MYH8: variants seen among roughly 807,000 people sequenced by gnomAD.
MYH8 encodes the protein myosin heavy chain 8.
In MYH8, 168 loss-of-function variants were observed where a neutral mutation model predicts 233.2. The ratio of observed to expected loss-of-function variants is 0.72; its 90% CI spans 0.64 to 0.82. The LOEUF (loss-of-function observed/expected upper bound fraction) is 0.82. MYH8 is among the 40% of genes least tolerant of loss of function. MYH8 has a pLI of 0.00. For missense variants in MYH8, 1,995 were observed against 2,327.8 expected (o/e 0.86, Z 2.94); for synonymous variants, 785 against 850.6 (o/e 0.92, Z 1.34).
At position 10,415,010 on chromosome 17, in the gene MYH8, A is replaced by C; in HGVS notation, c.805+106T>G. 13 of 1,028,908 alleles carry C rather than the reference A, an allele frequency of 1.3e-5. No homozygotes were observed. Among genetic ancestry groups the C allele is most frequent in the Non-Finnish European group, 2.0e-5 (13 of 648,436 alleles). 63.7% of individuals were successfully genotyped at this position (1,028,908 alleles called of 1,614,324 possible). On this transcript the variant is annotated intron_variant, in intron 9 of 39. Transcript: ENST00000403437. The surrounding 1 kb of genome is among the most constrained non-coding windows in gnomAD (Gnocchi z 4.1). ...TTAGCTTACAGGCAGTACTGGCAGC[A>C]GACTACCCTTTTAACAGGCTTCATG...
At position 10,399,528 on chromosome 17, in the gene MYH8, A is replaced by G; in HGVS notation, c.3862+15T>C. 6.2e-7 allele frequency: 1 copy of G among 1,612,886 alleles called. No homozygotes were observed. On this transcript the variant is annotated intron_variant, in intron 28 of 39. Transcript: ENST00000403437. ...TTTAGTCCATGGTGTTGGGACCCAG[A>G]GAAGATGTCTTTACCCGCTTCTGTC...
chr17:10,408,705 A>G (rs1861186543), intron 17 of MYH8, among the ~76,000 whole-genome samples: 1 of 152,202 alleles, frequency 6.6e-6, no homozygotes, highest in Non-Finnish European at 1.5e-5. Flanking sequence ...TTGGTGAAAG[A>G]TGTTATGAAG....
Position 10,400,651 on chromosome 17 carries a change from C to A in MYH8, c.3474G>T (p.Gly1158=). ...EISERLEEAG[G]ATSAQVELNK... ...TCAATTCCACCTGAGCAGAAGTTGCCCCACCGGCTTCTTCCAGCCTCTCGC... is the reference window on the plus strand; with the variant it reads ...TCAATTCCACCTGAGCAGAAGTTGCACCACCGGCTTCTTCCAGCCTCTCGC... Residue 1158 remains glycine (G), a synonymous_variant, in exon 27 of 40, where the codon GGG becomes GGT. Transcript: ENST00000403437. The surrounding 1 kb of genome is among the most constrained non-coding windows in gnomAD (Gnocchi z 4.0). 6.2e-7 allele frequency: 1 copy of A among 1,614,188 alleles called. No individual in the cohort carries two copies. Among genetic ancestry groups the A allele is most frequent in the Non-Finnish European group, 8.5e-7 (1 of 1,180,038 alleles).
chr17:10,409,105 G>C lies in MYH8; in HGVS notation c.1957C>G (p.Leu653Val). ...TTAAATTTGTACTTTACCCTGAAAAGGGCAGACACAGTCTGGAAAGAAGAG... is the reference window on the plus strand; with the variant it reads ...TTAAATTTGTACTTTACCCTGAAAACGGCAGACACAGTCTGGAAAGAAGAG... ...KGSSFQTVSA[L>V]FRENLNKLMT... Residue 653 changes from leucine to valine, a missense_variant, in exon 17 of 40, where the codon CTT becomes GTT. Leu to Val is a conservative substitution (Grantham distance 32, BLOSUM62 1). Around this residue, in one of 3 missense-constraint regions of MYH8, gnomAD observed 1,498 missense variants for 1,680.9 expected, o/e 0.89. Transcript: ENST00000403437. The C allele has an allele frequency of 6.2e-7, 1 of 1,613,926 alleles. No individual in the cohort carries two copies. Among genetic ancestry groups the C allele is most frequent in the Non-Finnish European group, 8.5e-7 (1 of 1,179,848 alleles).
intron 39 of MYH8, among the ~76,000 whole-genome samples, chr17:10,391,250 AT>A (rs1298826525): frequency 6.6e-6 from 1 of 152,146 alleles, no homozygotes; most frequent in Non-Finnish European, 1.5e-5. Context: ...TGAGAACTTG[AT>A]TTTTTCTATG....
Position 10,398,634 on chromosome 17 carries a change from TC to T in MYH8, c.3987del (p.Asn1330ThrfsTer78). ...GACTGCAGGGCGTGTGCCAGGGCGT[TC>T]TTGGCCTGCAGAAGTAGCAGTTCAG... ...KHQLEEETKA[K>X]NALAHALQSS... On this transcript the variant is annotated frameshift_variant, in exon 30 of 40. Coordinates refer to ENST00000403437, the MANE Select transcript of MYH8 (RefSeq NM_002472.3). LOFTEE classifies it high-confidence loss of function. 1 of 1,614,198 alleles carries T rather than the reference TC, an allele frequency of 6.2e-7. No homozygotes were observed. The highest frequency in any genetic ancestry group is 8.5e-7 in the Non-Finnish European group (1 of 1,180,028).
Position 10,390,395 on chromosome 17 carries a change from C to G in MYH8, c.*59G>C. 1 of 1,605,554 alleles carries G rather than the reference C, an allele frequency of 6.2e-7. No homozygotes were observed. The highest frequency in any genetic ancestry group is 1.1e-5 in the South Asian group (1 of 90,818). On this transcript the variant is annotated 3_prime_UTR_variant, in exon 40 of 40. Coordinates refer to ENST00000403437, the MANE Select transcript of MYH8 (RefSeq NM_002472.3). ...AAAATAAACGTCATAAAGCAAGTGA[C>G]CAAAAATAGCACATTTTGTGCCTTT...
chr17:10,407,060 C>T (rs1311702584), intron 17 of MYH8, 81 bp from the exon 18 acceptor site: 13 of 1,074,670 alleles, frequency 1.2e-5, no homozygotes, highest in Non-Finnish European at 1.8e-5. Flanking sequence ...TGAACCTAGA[C>T]AGTCCTTTAA....
rs148425060 is a variant in MYH8 at position 10,394,290 on chromosome 17, G to A, written c.5125C>T (p.Leu1709Phe). ...TGGACACGCTCACTGGCATCCAGGAGCTCCTGTTCGGCGATTTTCCTGCTT... is the reference window on the plus strand; with the variant it reads ...TGGACACGCTCACTGGCATCCAGGAACTCCTGTTCGGCGATTTTCCTGCTT... Reference protein sequence around the residue: ...ERSRKIAEQELLDASERVQLL... With the variant: ...ERSRKIAEQEFLDASERVQLL... Residue 1709 changes from leucine (L) to phenylalanine (F), a missense_variant, in exon 35 of 40, where the codon CTC becomes TTC. Transcript: ENST00000403437. The A allele has an allele frequency of 1.6e-5, 26 of 1,613,966 alleles. No individual in the cohort carries two copies. Among genetic ancestry groups the A allele is most frequent in the Non-Finnish European group, 2.0e-5 (24 of 1,180,000 alleles).
intron 15 of MYH8, among the ~76,000 whole-genome samples, chr17:10,410,005 C>G (rs866317844): frequency 2.0e-5 from 3 of 152,108 alleles, no homozygotes; most frequent in South Asian, 2.1e-4. Flanking sequence ...TATTTAATTT[C>G]TTTAAAATAG....
rs751025093 is a variant in MYH8 at position 10,417,839 on chromosome 17, TC to T, written c.511+805del. On this transcript the variant is annotated intron_variant, in intron 5 of 39. Transcript: ENST00000403437. This position sits in a 1 kb window ranked among gnomAD's most constrained non-coding sequence, Gnocchi z 4.1. Reference sequence around the variant, plus strand: ...TATTCCTTCCTCTTTATTCTCCCCCTCGAAAAGACAATTTAAAAACAAGTGC... The same window carrying T: ...TATTCCTTCCTCTTTATTCTCCCCCTGAAAAGACAATTTAAAAACAAGTGC... Among the ~76,000 whole-genome samples the T allele has an allele frequency of 6.6e-6, 1 of 152,002 alleles. No individual in the cohort carries two copies. The highest frequency in any genetic ancestry group is 1.5e-5 in the Non-Finnish European group (1 of 68,010).
At position 10,400,466 on chromosome 17, in the gene MYH8, AG is replaced by A; in HGVS notation, c.3658del (p.Leu1220TrpfsTer8). On this transcript the variant is annotated frameshift_variant, in exon 27 of 40. Coordinates refer to ENST00000403437, the MANE Select transcript of MYH8 (RefSeq NM_002472.3). LOFTEE classifies it high-confidence loss of function. This position sits in a 1 kb window ranked among gnomAD's most constrained non-coding sequence, Gnocchi z 4.0. Reference protein sequence around the residue: ...IDNLQRVKQKLEKEKSELKME... With the variant: ...IDNLQRVKQKXEKEKSELKME... ...CTTCAGCTCACTCTTCTCCTTCTCC[AG>A]CTTCTGTTTGACCCGCTGCAAGTTG... is the stretch of plus-strand genomic sequence containing the variant. The A allele has an allele frequency of 6.2e-7, 1 of 1,613,946 alleles. No individual in the cohort carries two copies. The highest frequency in any genetic ancestry group is 8.5e-7 in the Non-Finnish European group (1 of 1,179,956).
In MYH8 at chr17:10,419,424, A is replaced by G. The variant is rs1460191165; in HGVS notation, c.211-394T>C. On this transcript the variant is annotated intron_variant, in intron 3 of 39. Transcript: ENST00000403437. This position sits in a 1 kb window ranked among gnomAD's most constrained non-coding sequence, Gnocchi z 4.0. ...TGCCTGTATATTTTGGTACAAAACT[A>G]TAATCACACATACTTCTCATTATAT... Among the ~76,000 whole-genome samples, 1 of 152,212 alleles carries G rather than the reference A, an allele frequency of 6.6e-6. No homozygotes were observed. The highest frequency in any genetic ancestry group is 1.5e-5 in the Non-Finnish European group (1 of 68,038).
At position 10,401,638 on chromosome 17, in the gene MYH8, GT is replaced by G. The variant is rs756611516; in HGVS notation, c.2835del (p.Lys945AsnfsTer18). The G allele has an allele frequency of 1.2e-6, 2 of 1,613,976 alleles. No homozygotes were observed. The highest frequency in any genetic ancestry group is 2.7e-5 in the African/African-American group (2 of 74,896). ...INAELTAKKR[K>X]LEDECSELKK... ...TTGAGTTCTGAACATTCATCCTCCAGTTTTCTCTTCTTGGCTGTCAGCTCAG... is the reference window on the plus strand; with the variant it reads ...TTGAGTTCTGAACATTCATCCTCCAGTTTCTCTTCTTGGCTGTCAGCTCAG... On this transcript the variant is annotated frameshift_variant, in exon 23 of 40. Transcript: ENST00000403437. LOFTEE classifies it high-confidence loss of function.
chr17:10,392,125 A>C, intron 38 of MYH8, 148 bp from the exon 39 acceptor site: 1 of 734,256 alleles, frequency 1.4e-6, no homozygotes, highest in Non-Finnish European at 2.4e-6. Flanking sequence ...TAACAGTAGC[A>C]CTCTTGGTAA....
At position 10,409,420 on chromosome 17, in the gene MYH8, C is replaced by G; in HGVS notation, c.1756G>C (p.Ala586Pro). ...AEAHFSLIHY[A>P]GTVDYNITGW... is the part of the protein sequence containing the mutation. ...GTAATGTTGTAGTCCACAGTGCCAG[C>G]ATAGTGAATCAGAGAGAAGTGGGCC... The change falls in exon 16 of 40, where the codon GCT becomes CCT. Residue 586 changes from alanine (A) to proline (P), a missense_variant. Around this residue, in one of 3 missense-constraint regions of MYH8, gnomAD observed 1,498 missense variants for 1,680.9 expected, o/e 0.89. Coordinates refer to ENST00000403437, the MANE Select transcript of MYH8 (RefSeq NM_002472.3). 6.2e-7 allele frequency: 1 copy of G among 1,614,200 alleles called. No homozygotes were observed. Among genetic ancestry groups the G allele is most frequent in the Non-Finnish European group, 8.5e-7 (1 of 1,180,040 alleles).
At chr17:10,414,560 G>T (rs1392608053) in intron 9 of MYH8, 76 bp from the exon 10 acceptor site, 2 of 973,178 alleles carry the variant, frequency 2.1e-6, no homozygotes, top group African/African-American at 3.2e-5. Flanking sequence ...TCACGTCTTT[G>T]GTCAAATTTG....
At chr17:10,420,586 C>T (rs1174862366) in intron 2 of MYH8, among the ~76,000 whole-genome samples, 2 of 152,208 alleles carry the variant, frequency 1.3e-5, no homozygotes, top group Non-Finnish European at 2.9e-5. Context: ...TTAATTTCCT[C>T]TCCTCTTTCT....
intron 22 of MYH8, among the ~76,000 whole-genome samples, chr17:10,402,366 C>T (rs1441267726): frequency 6.6e-6 from 1 of 152,012 alleles, no homozygotes; most frequent in Non-Finnish European, 1.5e-5. Context: ...ACACTAAAAC[C>T]TTCCTGGTAG....
Sources: gnomAD v4.1 joint callset for allele counts (sites outside exome capture counted in the v4.1 genomes callset) on GRCh38, gnomAD v4.1.1 for gene constraint, gnomAD v4.1.1 regional missense constraint, Gnocchi (gnomAD v3.1) non-coding constraint, MANE v1.5 for transcripts, NCBI Gene and HGNC (gene_info 2026-07-23, HGNC 2026-07-21) for gene names.